The following PRKAG2 variants were observed in gnomAD, a reference collection of about 807,000 sequenced individuals.
PRKAG2 encodes the protein protein kinase AMP-activated non-catalytic subunit gamma 2, also known as 5'-AMP-activated protein kinase subunit gamma-2.
PRKAG2 carries 26 observed loss-of-function variants against 69.6 expected under a neutral mutation model. The observed-to-expected ratio is 0.37, with a 90% confidence interval of 0.27 to 0.52. The LOEUF is 0.52. Among genes scored for constraint, PRKAG2 ranks in the 20% least tolerant of loss-of-function variants. PRKAG2 has a pLI of 0.90. For synonymous variants in PRKAG2, 293 were observed against 285.0 expected (o/e 1.03, Z -0.28); for missense variants, 557 against 740.0 (o/e 0.75, Z 2.87).
chr7:151,630,493 A>G (rs1824150933), intron 5 of PRKAG2, among the ~76,000 whole-genome samples: 1 of 152,258 alleles, frequency 6.6e-6, no homozygotes, highest in Non-Finnish European at 1.5e-5. Context: ...GGCTCATTTA[A>G]TCCTCAAAAC....
rs1391615649 is a variant in PRKAG2, at chr7:151,719,785, C to A, written c.467-44148G>T. ...ATCTGTTCTCAACAAGAAACTGGAG[C>A]CTGCCCCTCCTCCCCCTGAGTTTGC... On this transcript the variant is annotated intron_variant, in intron 3 of 15. Transcript: ENST00000287878. This position sits in a 1 kb window ranked among gnomAD's most constrained non-coding sequence, Gnocchi z 5.2. 7.6e-6 allele frequency among the ~76,000 whole-genome samples: 1 copy of A among 131,172 alleles called. No homozygotes were observed. The highest frequency in any genetic ancestry group is 2.7e-4 in the South Asian group (1 of 3,768). 86.1% of individuals were successfully genotyped at this position (131,172 alleles called of 152,430 possible).
intron 3 of PRKAG2, among the ~76,000 whole-genome samples, chr7:151,691,091 G>C (rs1322274883): frequency 1.3e-5 from 2 of 152,160 alleles, no homozygotes; most frequent in Non-Finnish European, 2.9e-5. Context: ...TGTCTGCAGG[G>C]AATTGATTCC....
rs149977376 is a variant in PRKAG2, at chr7:151,623,450, G to A, written c.754+8619C>T. Among the ~76,000 whole-genome samples the A allele has an allele frequency of 1.6e-3, 237 of 147,686 alleles. 1 individual carries two copies. The highest frequency in any genetic ancestry group is 5.7e-3 in the African/African-American group (230 of 40,256). On this transcript the variant is annotated intron_variant, in intron 5 of 15. Transcript: ENST00000287878. ...TTGTGCAGTTCACAATAGGGTTCGC[G>A]CTCCTATGAGAATCTAATGCTGCTG...
At chr7:151,569,438 A>G (rs1218538339) in intron 10 of PRKAG2, among the ~76,000 whole-genome samples, 6 of 152,210 alleles carry the variant, frequency 3.9e-5, no homozygotes, top group Admixed American at 1.3e-4. Flanking sequence ...TTGGCAAGAG[A>G]GCAAAGGCTG....
chr7:151,615,495 T>C (rs186981909), intron 5 of PRKAG2, among the ~76,000 whole-genome samples: 12 of 152,302 alleles, frequency 7.9e-5, no homozygotes, highest in Admixed American at 3.9e-4. Flanking sequence ...ATTCTGGACA[T>C]ACAAATGGGC....
intron 3 of PRKAG2, among the ~76,000 whole-genome samples, chr7:151,689,771 A>T (rs1835369964): frequency 6.6e-6 from 1 of 152,166 alleles, no homozygotes; most frequent in African/African-American, 2.4e-5. Context: ...CCACCCCGGC[A>T]GGCCCTCTGG....
chr7:151,758,909 G>A (rs1178355113), intron 3 of PRKAG2, among the ~76,000 whole-genome samples: 1 of 152,168 alleles, frequency 6.6e-6, no homozygotes, highest in East Asian at 1.9e-4. Flanking sequence ...CTCTGAGGAG[G>A]CGGGAGACCA....
At chr7:151,722,107 T>C (rs1032044546) in intron 3 of PRKAG2, among the ~76,000 whole-genome samples, 4 of 152,196 alleles carry the variant, frequency 2.6e-5, no homozygotes, top group African/African-American at 9.6e-5. Flanking sequence ...TAGCTCCTAG[T>C]GCCCACAGCA....
chr7:151,600,630 C>T (rs1815818312), intron 5 of PRKAG2, among the ~76,000 whole-genome samples: 2 of 152,200 alleles, frequency 1.3e-5, no homozygotes, highest in Non-Finnish European at 2.9e-5. Flanking sequence ...TCATGCATCT[C>T]CACATCTGGC....
intron 1 of PRKAG2, among the ~76,000 whole-genome samples, chr7:151,866,617 A>AGG (rs2080085005): frequency 6.6e-6 from 1 of 152,182 alleles, no homozygotes; most frequent in African/African-American, 2.4e-5. Context: ...GGTTGCATGG[A>AGG]GGAAGAAGGC....
At chr7:151,823,860 G>C (rs1270023466) in intron 1 of PRKAG2, among the ~76,000 whole-genome samples, 4 of 152,152 alleles carry the variant, frequency 2.6e-5, no homozygotes, top group Non-Finnish European at 2.9e-5. Flanking sequence ...TCAAAAACTA[G>C]ATCCCAATTA....
intron 6 of PRKAG2, among the ~76,000 whole-genome samples, chr7:151,588,876 A>T (rs1812343155): frequency 6.6e-6 from 1 of 152,136 alleles, no homozygotes. Context: ...TAATACACTA[A>T]CTGATACCTA....
At chr7:151,572,385 G>T in intron 9 of PRKAG2, 1 of 280,226 alleles carries the variant, frequency 3.6e-6, no homozygotes, top group Non-Finnish European at 6.7e-6. Flanking sequence ...GCAGCGAGGT[G>T]GGGCTTGGTT....
chr7:151,832,393 G>A (rs1156963124), intron 1 of PRKAG2, among the ~76,000 whole-genome samples: 3 of 152,128 alleles, frequency 2.0e-5, no homozygotes, highest in Admixed American at 6.5e-5. Flanking sequence ...CGACTTCTGG[G>A]CAGTGTTCAC....
intron 3 of PRKAG2, among the ~76,000 whole-genome samples, chr7:151,715,636 G>A (rs974436798): frequency 1.3e-5 from 2 of 152,158 alleles, no homozygotes; most frequent in African/African-American, 4.8e-5. Flanking sequence ...GATTACAAGC[G>A]TGAGCCACCG....
intron 6 of PRKAG2, among the ~76,000 whole-genome samples, chr7:151,594,203 T>C (rs1408368752): frequency 6.6e-6 from 1 of 152,212 alleles, no homozygotes; most frequent in East Asian, 1.9e-4. Flanking sequence ...CTGGGTGTCT[T>C]CCCCTGCCCT....
chr7:151,791,051 C>T (rs987609561), intron 1 of PRKAG2, among the ~76,000 whole-genome samples: 1 of 152,178 alleles, frequency 6.6e-6, no homozygotes, highest in African/African-American at 2.4e-5. Flanking sequence ...TGGCCTGCTG[C>T]GTGGCTGCTG....
intron 4 of PRKAG2, among the ~76,000 whole-genome samples, chr7:151,661,113 G>A (rs1830244495): frequency 2.0e-5 from 3 of 152,172 alleles, no homozygotes; most frequent in Admixed American, 6.5e-5. Flanking sequence ...TAATCAGACC[G>A]AACCACCATA....
intron 1 of PRKAG2, among the ~76,000 whole-genome samples, chr7:151,856,397 G>A (rs1048869824): frequency 1.0e-4 from 16 of 152,382 alleles, no homozygotes; most frequent in African/African-American, 2.6e-4. Context: ...GGGCCCCTGC[G>A]GAGGCTTGCA....
Sources: gnomAD v4.1 joint callset for allele counts (sites outside exome capture counted in the v4.1 genomes callset) on GRCh38, gnomAD v4.1.1 for gene constraint, Gnocchi (gnomAD v3.1) non-coding constraint, MANE v1.5 for transcripts, NCBI Gene and HGNC (gene_info 2026-07-23, HGNC 2026-07-21) for gene names.